Variants in CMYA5 observed in about 807,000 individuals in gnomAD.
The protein encoded by CMYA5 is cardiomyopathy associated 5, also known as cardiomyopathy-associated protein 5.
A neutral mutation model predicts 318.9 loss-of-function variants in CMYA5; 246 were observed. The ratio of observed to expected loss-of-function variants is 0.77; its 90% confidence interval spans 0.70 to 0.86. The LOEUF (loss-of-function observed/expected upper bound fraction) is 0.86, where lower values mean the gene tolerates loss of function less well. Among genes scored for constraint, CMYA5 ranks in the 40% least tolerant of loss-of-function variants. The pLI is 0.00. For missense variants in CMYA5, 4,589 were observed against 4,678.2 expected (o/e 0.98, Z 0.56); for synonymous variants, 1,641 against 1,729.5 (o/e 0.95, Z 1.27).
chr5:79,690,039 G>A lies in CMYA5; in HGVS notation c.132G>A (p.Glu44=). ...AGGACGAGACGGCGGCGGAGTCGGA[G>A]GAGGAGCCGGACTCCAGGTAGCGCG... is the stretch of plus-strand genomic sequence containing the variant. ...GEEDETAAES[E]EEPDSRLSDQ... The change falls in exon 1 of 13, where the codon GAG becomes GAA. Residue 44 remains glutamate (E), a synonymous_variant. Coordinates refer to ENST00000446378, the MANE Select transcript of CMYA5 (RefSeq NM_153610.5). 6.8e-7 allele frequency: 1 copy of A among 1,461,916 alleles called. No homozygotes were observed. The allele number at this position is 1,461,916 out of a possible 1,614,324, so 90.6% of individuals were successfully genotyped here.
chr5:79,789,935 T>C (rs1561231537), intron 10 of CMYA5, among the ~76,000 whole-genome samples: 2 of 152,230 alleles, frequency 1.3e-5, no homozygotes, highest in Non-Finnish European at 2.9e-5. Context: ...ATAAAACTAT[T>C]CAATGACATT....
chr5:79,776,775 T>C (rs1172302897), intron 9 of CMYA5, among the ~76,000 whole-genome samples: 2 of 152,196 alleles, frequency 1.3e-5, no homozygotes, highest in Non-Finnish European at 1.5e-5. Context: ...AAAAGCCAAC[T>C]GTGTTTTTTA....
At chr5:79,749,389 A>G (rs1828390257) in intron 5 of CMYA5, among the ~76,000 whole-genome samples, 1 of 152,216 alleles carries the variant, frequency 6.6e-6, no homozygotes, top group Non-Finnish European at 1.5e-5. Flanking sequence ...AATGTTATTG[A>G]TGTTCCTTTC....
chr5:79,793,508 G>T lies in CMYA5; in HGVS notation c.11861G>T (p.Cys3954Phe). 1 of 1,613,984 alleles carries T rather than the reference G, an allele frequency of 6.2e-7. No individual in the cohort carries two copies. The highest frequency in any genetic ancestry group is 8.5e-7 in the Non-Finnish European group (1 of 1,179,882). ...QHYWETTVTD[C>F]PAYRLGICSS... Reference sequence around the variant, plus strand: ...TACTGGGAAACCACAGTCACAGACTGCCCAGCATATCGACTCGGCATCTGC... The same window carrying T: ...TACTGGGAAACCACAGTCACAGACTTCCCAGCATATCGACTCGGCATCTGC... Residue 3954 changes from cysteine (C) to phenylalanine (F), a missense_variant, in exon 12 of 13, where the codon TGC becomes TTC. Physicochemically the swap from Cys to Phe is radical, Grantham distance 205. This residue lies in a region of CMYA5 where 2,431 missense variants were observed against 2,495.1 expected (regional missense o/e 0.97). Coordinates refer to ENST00000446378, the MANE Select transcript of CMYA5 (RefSeq NM_153610.5).
At chr5:79,744,209 C>T (rs1828274222) in intron 3 of CMYA5, among the ~76,000 whole-genome samples, 1 of 152,176 alleles carries the variant, frequency 6.6e-6, no homozygotes, top group Non-Finnish European at 1.5e-5. Flanking sequence ...TGACTGAATC[C>T]TCACAATTAT....
At chr5:79,691,223 G>A (rs935636260) in intron 1 of CMYA5, among the ~76,000 whole-genome samples, 23 of 152,216 alleles carry the variant, frequency 1.5e-4, no homozygotes, top group African/African-American at 5.5e-4. Flanking sequence ...AACAGGAAGA[G>A]CAGAGGAGAA....
chr5:79,703,079 A>G (rs1486914866), intron 1 of CMYA5, among the ~76,000 whole-genome samples: 2 of 152,250 alleles, frequency 1.3e-5, no homozygotes, highest in Admixed American at 6.5e-5. Context: ...CATTTGCTCA[A>G]CTGTCTTTTT....
chr5:79,769,182 G>C (rs1226623805), intron 9 of CMYA5, among the ~76,000 whole-genome samples: 1 of 151,894 alleles, frequency 6.6e-6, no homozygotes, highest in Non-Finnish European at 1.5e-5. Flanking sequence ...GGTTATTCTA[G>C]TTAGAAATTC....
chr5:79,746,673 T>G (rs1472596212), intron 4 of CMYA5, among the ~76,000 whole-genome samples: 2 of 152,138 alleles, frequency 1.3e-5, no homozygotes, highest in Non-Finnish European at 2.9e-5. Flanking sequence ...ACAGTTTTGA[T>G]CTCTATCCTT....
chr5:79,735,541 G>A lies in CMYA5; in HGVS notation c.6776G>A (p.Gly2259Asp). ...PRGTLVKSGD[G>D]QNVKEKSMIL... The stretch of plus-strand genomic sequence containing the variant: ...GGTACTTTAGTAAAATCTGGTGACG[G>A]TCAAAACGTTAAAGAAAAATCCATG... The change falls in exon 2 of 13, where the codon GGT becomes GAT. Residue 2259 changes from glycine (G) to aspartate (D), a missense_variant. By Grantham distance (94) the Gly-to-Asp change is moderately conservative. Transcript: ENST00000446378. 2 of 1,612,796 alleles carry A rather than the reference G, an allele frequency of 1.2e-6. No homozygotes were observed. The highest frequency in any genetic ancestry group is 1.7e-6 in the Non-Finnish European group (2 of 1,179,608).
At chr5:79,742,830 T>G (rs1828245205) in intron 2 of CMYA5, among the ~76,000 whole-genome samples, 1 of 152,032 alleles carries the variant, frequency 6.6e-6, no homozygotes, top group Admixed American at 6.5e-5. Flanking sequence ...CCCAATGTTC[T>G]GAGAAACTAA....
In CMYA5 at chr5:79,731,944, C is replaced by T; in HGVS notation, c.3179C>T (p.Ser1060Leu). The T allele has an allele frequency of 6.2e-7, 1 of 1,613,152 alleles. No individual in the cohort carries two copies. The highest frequency in any genetic ancestry group is 2.2e-5 in the East Asian group (1 of 44,868). Residue 1060 changes from serine (S) to leucine (L), a missense_variant, in exon 2 of 13, where the codon TCA (serine) becomes TTA (leucine). Physicochemically the swap from Ser to Leu is moderately radical, Grantham distance 145 (BLOSUM62 -2). Coordinates refer to ENST00000446378, the MANE Select transcript of CMYA5 (RefSeq NM_153610.5). ...AATPVSEQFS[S>L]SQKQKAETFP... Reference sequence around the variant, plus strand: ...ACACCTGTATCTGAGCAGTTCAGTTCATCACAGAAGCAAAAAGCTGAAACT... The same window carrying T: ...ACACCTGTATCTGAGCAGTTCAGTTTATCACAGAAGCAAAAAGCTGAAACT...
Position 79,732,431 on chromosome 5 carries a change from G to A in CMYA5, c.3666G>A (p.Gln1222=), listed in dbSNP as rs1486279271. 4.3e-6 allele frequency: 7 copies of A among 1,613,400 alleles called. No homozygotes were observed. In the East Asian group the frequency reaches 1.3e-4, roughly 31 times the overall value. ...AAGAAGCTACAGCACATGTATCACA[G>A]GATCAAAAAATGGAGCCTCAGCCTC... ...DSQEATAHVS[Q]DQKMEPQPPN... The change falls in exon 2 of 13, where the codon CAG becomes CAA. Residue 1222 remains glutamine (Q), a synonymous_variant. Transcript: ENST00000446378.
intron 9 of CMYA5, among the ~76,000 whole-genome samples, chr5:79,787,238 G>A (rs561789535): frequency 6.6e-6 from 1 of 151,022 alleles, no homozygotes; most frequent in East Asian, 2.0e-4. Context: ...TCCTCAACAA[G>A]CCCTCAGAAT....
In CMYA5 at chr5:79,739,090, C is replaced by T. The variant is rs537763016; in HGVS notation, c.10325C>T (p.Ser3442Phe). Residue 3442 changes from serine to phenylalanine, a missense_variant, in exon 2 of 13, where the codon TCT (serine) becomes TTT (phenylalanine). Ser to Phe is a radical substitution (Grantham distance 155). Coordinates refer to ENST00000446378, the MANE Select transcript of CMYA5 (RefSeq NM_153610.5). ...CAAGACATATTATCAGAAGAACTGT[C>T]TTCAGAATCCACACCTGAAGATGTC... ...VPQDILSEELSSESTPEDVLS... is the reference protein window; with the variant it reads ...VPQDILSEELFSESTPEDVLS... 4.2e-5 allele frequency: 67 copies of T among 1,613,852 alleles called. 3 individuals carry two copies. In the South Asian group the frequency reaches 7.1e-4, roughly 17 times the overall value.
chr5:79,747,276 G>A (rs1482549267), intron 5 of CMYA5, among the ~76,000 whole-genome samples, 163 bp downstream of exon 5: 1 of 152,178 alleles, frequency 6.6e-6, no homozygotes, highest in South Asian at 2.1e-4. Flanking sequence ...CTAAATGACA[G>A]CTTTGAAAGA....
intron 9 of CMYA5, among the ~76,000 whole-genome samples, chr5:79,764,163 C>G (rs2151095612): frequency 1.3e-5 from 2 of 152,098 alleles, no homozygotes; most frequent in Middle Eastern, 6.8e-3. Flanking sequence ...CCCCCTGCCC[C>G]CAAAAAGGCC....
chr5:79,720,706 G>A (rs1315209182), intron 1 of CMYA5, among the ~76,000 whole-genome samples: 1 of 152,120 alleles, frequency 6.6e-6, no homozygotes, highest in Non-Finnish European at 1.5e-5. Context: ...AAAGTGCTGG[G>A]ATTACAGGCG....
chr5:79,790,298 C>G (rs1222648218), intron 10 of CMYA5, among the ~76,000 whole-genome samples: 1 of 151,228 alleles, frequency 6.6e-6, no homozygotes, highest in Non-Finnish European at 1.5e-5. Context: ...CGAATGGAGT[C>G]TTGCTCTGTT....
Sources: gnomAD v4.1 joint callset for allele counts (sites outside exome capture counted in the v4.1 genomes callset) on GRCh38, gnomAD v4.1.1 for gene constraint, gnomAD v4.1.1 regional missense constraint, MANE v1.5 for transcripts, NCBI Gene and HGNC (gene_info 2026-07-23, HGNC 2026-07-21) for gene names.